Variants in PHF24 observed in about 807,000 individuals in gnomAD.
PHF24 encodes PHD finger protein 24.
PHF24 carries 25 observed loss-of-function variants against 42.6 expected under a neutral mutation model. The ratio of observed to expected loss-of-function variants is 0.59; its 90% CI spans 0.43 to 0.82. The LOEUF is 0.82. PHF24 is among the 40% of genes least tolerant of loss of function. PHF24 has a pLI of 0.00. For synonymous variants in PHF24, 185 were observed against 204.8 expected, an observed-to-expected ratio of 0.90 and a Z score of 0.83; for missense variants, 470 against 538.1, an observed-to-expected ratio of 0.87 and a Z score of 1.25.
At chr9:34,681,362 C>T in the PHF24 span, 2 of 152,140 alleles carry the variant, frequency 1.3e-5, no homozygotes, top group African/African-American at 2.4e-5. Context: ...TGTAAGATTA[C>T]AGTAAAACTG....
the PHF24 span, chr9:34,723,841 C>G: frequency 6.4e-7 from 1 of 1,551,704 alleles, no homozygotes; most frequent in Non-Finnish European, 8.7e-7. Context: ...CCTTCTCAGA[C>G]TCTTTCTCCC....
At chr9:34,948,006 G>C in the PHF24 span, among the ~76,000 whole-genome samples, 1 of 151,892 alleles carries the variant, frequency 6.6e-6, no homozygotes. Context: ...CTACTCGGGA[G>C]GCTGAGGCAG....
the PHF24 span, among the ~76,000 whole-genome samples, chr9:34,927,593 G>T: frequency 6.6e-6 from 1 of 152,134 alleles, no homozygotes; most frequent in African/African-American, 2.4e-5. Flanking sequence ...TGCCAGTGGG[G>T]GCTGGTGGAG....
the PHF24 span, among the ~76,000 whole-genome samples, chr9:34,944,689 A>G: frequency 6.6e-6 from 1 of 152,272 alleles, no homozygotes; most frequent in East Asian, 1.9e-4. Context: ...CTGTAGCATA[A>G]TAGACCTGCC....
chr9:34,875,232 C>G, the PHF24 span, among the ~76,000 whole-genome samples: 10 of 152,192 alleles, frequency 6.6e-5, no homozygotes, highest in African/African-American at 2.4e-4. Context: ...CTTGAGAATT[C>G]TGTTCTTGCA....
At chr9:34,695,611 C>T in the PHF24 span, among the ~76,000 whole-genome samples, 1 of 152,144 alleles carries the variant, frequency 6.6e-6, no homozygotes, top group Admixed American at 6.5e-5. Context: ...GAACCCTCAA[C>T]TTGTGGGATC....
chr9:34,755,406 T>C, the PHF24 span, among the ~76,000 whole-genome samples: 6 of 152,130 alleles, frequency 3.9e-5, no homozygotes, highest in African/African-American at 1.4e-4. Flanking sequence ...TTAATTTTTT[T>C]CTTTTTGATA....
At chr9:34,836,509 T>C in the PHF24 span, among the ~76,000 whole-genome samples, 1 of 152,218 alleles carries the variant, frequency 6.6e-6, no homozygotes, top group Non-Finnish European at 1.5e-5. Flanking sequence ...GTGGTACTTA[T>C]GCATTCTGGG....
chr9:34,737,983 T>C, the PHF24 span, among the ~76,000 whole-genome samples: 2 of 151,644 alleles, frequency 1.3e-5, no homozygotes, highest in African/African-American at 4.9e-5. Context: ...TCAGGATACG[T>C]GCCCTTGAAT....
the PHF24 span, among the ~76,000 whole-genome samples, chr9:34,673,604 G>T: frequency 6.6e-6 from 1 of 151,778 alleles, no homozygotes; most frequent in Non-Finnish European, 1.5e-5. Flanking sequence ...CTGAGTAGGT[G>T]GGTGCCACAG....
the PHF24 span, among the ~76,000 whole-genome samples, chr9:34,798,332 C>T: frequency 1.3e-5 from 2 of 152,164 alleles, no homozygotes; most frequent in East Asian, 3.9e-4. Flanking sequence ...GAATATAGTA[C>T]CTAATAGGAA....
At chr9:34,769,356 G>C in the PHF24 span, among the ~76,000 whole-genome samples, 1 of 152,046 alleles carries the variant, frequency 6.6e-6, no homozygotes, top group Non-Finnish European at 1.5e-5. Context: ...CCTGACCTCA[G>C]GTGATCCGCC....
At chr9:34,672,297 A>T in the PHF24 span, among the ~76,000 whole-genome samples, 1 of 152,168 alleles carries the variant, frequency 6.6e-6, no homozygotes, top group Non-Finnish European at 1.5e-5. Context: ...AAGTACAGTT[A>T]ACCAGAGCTT....
the PHF24 span, among the ~76,000 whole-genome samples, chr9:34,716,565 CTTTGTTTTGT>C: frequency 0.18 from 26,724 of 148,182 alleles, 2,721 homozygotes; most frequent in Middle Eastern, 0.26. Context: ...TTTTGTTTTG[CTTTGTTTTGT>C]TTTGTTTTGT....
the PHF24 span, among the ~76,000 whole-genome samples, chr9:34,847,887 T>C: frequency 6.6e-6 from 1 of 152,258 alleles, no homozygotes; most frequent in East Asian, 1.9e-4. Context: ...GTTCTGTTTA[T>C]ATGCTGGATT....
the PHF24 span, among the ~76,000 whole-genome samples, chr9:34,864,383 GATTCTAA>G: frequency 6.6e-6 from 1 of 152,132 alleles, no homozygotes; most frequent in Non-Finnish European, 1.5e-5. Flanking sequence ...ACAAAGGAAG[GATTCTAA>G]AAGCAGAAAG....
intron 1 of PHF24, among the ~76,000 whole-genome samples, chr9:34,963,956 C>G (rs1478254220): frequency 6.6e-6 from 1 of 152,216 alleles, no homozygotes; most frequent in Non-Finnish European, 1.5e-5. Context: ...CCAGTCATCT[C>G]TGCATCATTC....
chr9:34,707,037 G>A, the PHF24 span, among the ~76,000 whole-genome samples: 1 of 152,118 alleles, frequency 6.6e-6, no homozygotes, highest in Non-Finnish European at 1.5e-5. Flanking sequence ...TGCCCTGGAG[G>A]GGCTGAGGAG....
At chr9:34,706,249 A>G in the PHF24 span, among the ~76,000 whole-genome samples, 5 of 152,232 alleles carry the variant, frequency 3.3e-5, no homozygotes, top group Non-Finnish European at 5.9e-5. Flanking sequence ...TCTAAATATT[A>G]TGGTATGACT....
Sources: allele counts gnomAD v4.1 joint callset (sites outside exome capture counted in the v4.1 genomes callset), GRCh38; gene constraint gnomAD v4.1.1; transcripts MANE v1.5; gene names NCBI Gene and HGNC (gene_info 2026-07-23, HGNC 2026-07-21).